The following TLL1 variants were observed in gnomAD, a reference collection of about 807,000 sequenced individuals.
TLL1 encodes tolloid like 1.
TLL1 carries 49 observed loss-of-function variants against 128.2 expected under a neutral mutation model. The ratio of observed to expected loss-of-function variants is 0.38; its 90% CI spans 0.30 to 0.48. TLL1 has a LOEUF of 0.48. TLL1 is among the 20% of genes least tolerant of loss of function. The probability of loss-of-function intolerance (pLI) is 0.96; values close to 1 mark genes in which losing one functional copy is unlikely to be tolerated. For synonymous variants in TLL1, 454 were observed against 418.8 expected (o/e 1.08, Z -1.03); for missense variants, 1,123 against 1,242.0 (o/e 0.90, Z 1.44).
intron 18 of TLL1, among the ~76,000 whole-genome samples, chr4:166,080,031 C>T (rs921813204): frequency 3.9e-5 from 6 of 152,154 alleles, no homozygotes; most frequent in Admixed American, 6.5e-5. Flanking sequence ...CTGTTTGGGC[C>T]GCCATAACAG....
chr4:165,981,129 A>C (rs964289102), intron 1 of TLL1, among the ~76,000 whole-genome samples: 2 of 152,024 alleles, frequency 1.3e-5, no homozygotes, highest in African/African-American at 4.8e-5. Flanking sequence ...GCAGATGATA[A>C]TTGCCTTCTT....
intron 14 of TLL1, among the ~76,000 whole-genome samples, chr4:166,059,571 G>T (rs895788988): frequency 4.0e-5 from 6 of 151,806 alleles, no homozygotes; most frequent in African/African-American, 1.2e-4. Flanking sequence ...AATTGATTTG[G>T]TTTTATTACA....
chr4:166,074,761 G>T, intron 16 of TLL1, 117 bp from the exon 17 acceptor site: 1 of 1,287,920 alleles, frequency 7.8e-7, no homozygotes. Flanking sequence ...GTTGGGAACA[G>T]GAGAAACCAT....
At chr4:165,926,545 G>A (rs1456824962) in intron 1 of TLL1, among the ~76,000 whole-genome samples, 2 of 152,166 alleles carry the variant, frequency 1.3e-5, no homozygotes, top group Non-Finnish European at 2.9e-5. Context: ...GAAGCAGAAG[G>A]CAGAGGGGGG....
At chr4:166,086,054 A>G (rs921169017) in intron 18 of TLL1, among the ~76,000 whole-genome samples, 5 of 152,154 alleles carry the variant, frequency 3.3e-5, no homozygotes, top group African/African-American at 1.2e-4. Flanking sequence ...ATAAGCTCAA[A>G]AAGATATTTA....
intron 1 of TLL1, among the ~76,000 whole-genome samples, chr4:165,888,751 C>T (rs754237280): frequency 5.9e-5 from 9 of 152,090 alleles, no homozygotes; most frequent in Non-Finnish European, 1.0e-4. Flanking sequence ...AGAAAATTCT[C>T]GTGTGCAAGT....
chr4:166,089,414 G>A (rs181246429), intron 18 of TLL1, among the ~76,000 whole-genome samples: 298 of 152,202 alleles, frequency 2.0e-3, no homozygotes, highest in Non-Finnish European at 3.7e-3. Context: ...GGCCATAAAC[G>A]TCAGCTAGGT....
At chr4:165,978,631 T>A (rs1736000629) in intron 1 of TLL1, among the ~76,000 whole-genome samples, 1 of 152,232 alleles carries the variant, frequency 6.6e-6, no homozygotes, top group African/African-American at 2.4e-5. Flanking sequence ...TTTTTGTTTT[T>A]GTTTGTTTGT....
At chr4:166,039,557 T>A in intron 10 of TLL1, 116 bp downstream of exon 10, 1 of 742,428 alleles carries the variant, frequency 1.3e-6, no homozygotes, top group South Asian at 1.5e-5. Flanking sequence ...CTAACATTAT[T>A]TTTATGTTAG....
intron 1 of TLL1, among the ~76,000 whole-genome samples, chr4:165,969,137 T>G (rs951958742): frequency 6.6e-6 from 1 of 152,184 alleles, no homozygotes; most frequent in Non-Finnish European, 1.5e-5. Flanking sequence ...ATGAGAGATT[T>G]TTGATAACCG....
intron 3 of TLL1, among the ~76,000 whole-genome samples, chr4:165,993,429 GGTTT>G (rs1736730932): frequency 6.6e-6 from 1 of 151,922 alleles, no homozygotes; most frequent in African/African-American, 2.4e-5. Flanking sequence ...AGATTTTAGA[GGTTT>G]GTTTAAAATC....
rs142321915 is a variant in TLL1, at chr4:165,890,210, C to T, written c.169+16137C>T. ...AACTCTCACCATGTCCCTCTCATGACATGTGGGGATTATGAGAACTACAAT... is the reference window on the plus strand; with the variant it reads ...AACTCTCACCATGTCCCTCTCATGATATGTGGGGATTATGAGAACTACAAT... On this transcript the variant is annotated intron_variant, in intron 1 of 20. Coordinates refer to ENST00000061240, the MANE Select transcript of TLL1 (RefSeq NM_012464.5). Among the ~76,000 whole-genome samples the T allele has an allele frequency of 1.6e-3, 247 of 152,272 alleles. 2 individuals carry two copies. Among genetic ancestry groups the T allele is most frequent in the African/African-American group, 5.7e-3 (237 of 41,580 alleles).
intron 9 of TLL1, among the ~76,000 whole-genome samples, chr4:166,031,554 G>T (rs1327426279): frequency 1.3e-5 from 2 of 151,782 alleles, no homozygotes; most frequent in Non-Finnish European, 2.9e-5. Context: ...TTTTAGTAGG[G>T]ACAGGGTTTC....
intron 1 of TLL1, among the ~76,000 whole-genome samples, chr4:165,979,166 A>G (rs529741197): frequency 6.6e-6 from 1 of 152,262 alleles, no homozygotes; most frequent in South Asian, 2.1e-4. Flanking sequence ...TGCATATCCT[A>G]TGACCCACTG....
chr4:166,018,867 T>C (rs1477196905), intron 8 of TLL1, among the ~76,000 whole-genome samples: 1 of 152,224 alleles, frequency 6.6e-6, no homozygotes, highest in Admixed American at 6.5e-5. Context: ...GAATTTAAAT[T>C]ACTTCAGCCA....
At chr4:165,918,260 T>C (rs1257870572) in intron 1 of TLL1, among the ~76,000 whole-genome samples, 1 of 152,108 alleles carries the variant, frequency 6.6e-6, no homozygotes, top group Non-Finnish European at 1.5e-5. Flanking sequence ...GATTTAAGGG[T>C]GACAGAATGA....
intron 9 of TLL1, among the ~76,000 whole-genome samples, chr4:166,027,995 A>C (rs1307208285): frequency 1.3e-5 from 2 of 152,124 alleles, no homozygotes; most frequent in African/African-American, 4.8e-5. Flanking sequence ...TTAGCAAATA[A>C]ATTGGAGTGT....
At chr4:165,916,599 G>T (rs1406463451) in intron 1 of TLL1, among the ~76,000 whole-genome samples, 1 of 152,104 alleles carries the variant, frequency 6.6e-6, no homozygotes, top group Non-Finnish European at 1.5e-5. Flanking sequence ...ATATGTAGGG[G>T]TGCTTATTGT....
intron 1 of TLL1, among the ~76,000 whole-genome samples, chr4:165,936,306 A>T (rs1345224014): frequency 1.4e-5 from 2 of 142,096 alleles, no homozygotes; most frequent in Non-Finnish European, 3.0e-5. Context: ...TACAACCTCC[A>T]CCTCCTGGGT....
Sources: gnomAD v4.1 joint callset for allele counts (sites outside exome capture counted in the v4.1 genomes callset) on GRCh38, gnomAD v4.1.1 for gene constraint, MANE v1.5 for transcripts, NCBI Gene and HGNC (gene_info 2026-07-23, HGNC 2026-07-21) for gene names.